Variants in SLC25A13 observed in about 807,000 individuals in gnomAD.
The protein encoded by SLC25A13 is solute carrier family 25 member 13.
Under a neutral mutation model 85.5 loss-of-function variants are expected in SLC25A13, and 70 were observed. The observed-to-expected ratio is 0.82, with a 90% confidence interval of 0.68 to 1.00. The LOEUF (loss-of-function observed/expected upper bound fraction) is 1.00, where lower values mean the gene tolerates loss of function less well. Ranked by LOEUF, SLC25A13 falls within the 50% of genes least tolerant of loss-of-function variation. SLC25A13 has a pLI of 0.00. For synonymous variants in SLC25A13, 259 were observed against 288.7 expected (o/e 0.90, Z 1.04); for missense variants, 765 against 819.8 (o/e 0.93, Z 0.82).
At chr7:96,251,220 CAAG>C (rs1797412657) in intron 3 of SLC25A13, among the ~76,000 whole-genome samples, 1 of 151,954 alleles carries the variant, frequency 6.6e-6, no homozygotes. Flanking sequence ...CAAGGTGCGG[CAAG>C]AAGACCAATG....
intron 3 of SLC25A13, among the ~76,000 whole-genome samples, chr7:96,253,155 G>A (rs1478941439): frequency 1.3e-5 from 2 of 152,164 alleles, no homozygotes; most frequent in East Asian, 3.9e-4. Context: ...TGCTTTTGAT[G>A]AGTGTTGCAG....
intron 1 of SLC25A13, 42 bp from the exon 2 acceptor site, chr7:96,296,993 C>A: frequency 6.5e-7 from 1 of 1,535,182 alleles, no homozygotes; most frequent in Non-Finnish European, 9.0e-7. Context: ...TACAACAAAG[C>A]TGAGAAATCA....
At chr7:96,273,828 A>G (rs1226796820) in intron 3 of SLC25A13, among the ~76,000 whole-genome samples, 1 of 152,178 alleles carries the variant, frequency 6.6e-6, no homozygotes, top group Non-Finnish European at 1.5e-5. Context: ...GAACTTGGTC[A>G]CACTTCCTCT....
At chr7:96,181,318 T>G (rs1225701272) in intron 11 of SLC25A13, among the ~76,000 whole-genome samples, 1 of 152,216 alleles carries the variant, frequency 6.6e-6, no homozygotes, top group African/African-American at 2.4e-5. Context: ...TATATTTCTA[T>G]TGAAGAGCAC....
chr7:96,249,356 T>C (rs1209279830), intron 3 of SLC25A13, among the ~76,000 whole-genome samples: 1 of 152,220 alleles, frequency 6.6e-6, no homozygotes, highest in African/African-American at 2.4e-5. Context: ...CTTTCATATT[T>C]AGTCATGTTT....
intron 2 of SLC25A13, among the ~76,000 whole-genome samples, chr7:96,290,556 G>C (rs1295210337): frequency 6.7e-6 from 1 of 150,248 alleles, no homozygotes. Context: ...ACACACATAG[G>C]CTCAAAATAA....
chr7:96,291,469 C>A (rs1328731682), intron 2 of SLC25A13, among the ~76,000 whole-genome samples: 3 of 151,900 alleles, frequency 2.0e-5, no homozygotes, highest in South Asian at 2.1e-4. Context: ...AAAACCCTTC[C>A]AAAAATTAAT....
Position 96,193,109 on chromosome 7 carries a change from G to A in SLC25A13, c.543C>T (p.Ile181=), listed in dbSNP as rs370372951. 1.3e-4 allele frequency: 210 copies of A among 1,613,954 alleles called. No individual in the cohort carries two copies. Among genetic ancestry groups the A allele is most frequent in the Non-Finnish European group, 1.7e-4 (203 of 1,180,008 alleles). The change falls in exon 6 of 18, where the codon ATC becomes ATT. Residue 181 remains isoleucine (I), a synonymous_variant. Coordinates refer to ENST00000265631, the MANE Select transcript of SLC25A13 (RefSeq NM_014251.3). ...TGGTGACCATGATGTCTCGGAAGTC[G>A]ATGGCTGTGACTCTCCCAGTCCTAG... ...DNARTGRVTA[I]DFRDIMVTIR...
chr7:96,277,623 C>T (rs1192528676), intron 2 of SLC25A13, among the ~76,000 whole-genome samples: 2 of 152,106 alleles, frequency 1.3e-5, no homozygotes, highest in African/African-American at 4.8e-5. Flanking sequence ...CTACTGGCTC[C>T]AGCAGGTAGA....
At chr7:96,125,753 G>GTT (rs753445974) in intron 15 of SLC25A13, among the ~76,000 whole-genome samples, 25 of 136,832 alleles carry the variant, frequency 1.8e-4, no homozygotes, top group African/African-American at 5.5e-4. Context: ...TTCTAGAGGG[G>GTT]TTTTTTTTTT....
At chr7:96,294,916 C>T (rs531891028) in intron 2 of SLC25A13, among the ~76,000 whole-genome samples, 3 of 152,070 alleles carry the variant, frequency 2.0e-5, no homozygotes, top group Non-Finnish European at 4.4e-5. Context: ...AATTCATTTG[C>T]TTTTGGAGTC....
chr7:96,257,066 G>C (rs1371031470), intron 3 of SLC25A13, among the ~76,000 whole-genome samples: 1 of 152,226 alleles, frequency 6.6e-6, no homozygotes, highest in Non-Finnish European at 1.5e-5. Context: ...AGCTAAAGCA[G>C]TGTTTAGAGG....
intron 3 of SLC25A13, among the ~76,000 whole-genome samples, chr7:96,245,527 T>C (rs1283671907): frequency 6.6e-6 from 1 of 152,228 alleles, no homozygotes; most frequent in Non-Finnish European, 1.5e-5. Flanking sequence ...TAAATACTAG[T>C]AGACATCATT....
intron 3 of SLC25A13, among the ~76,000 whole-genome samples, chr7:96,241,602 T>C (rs1410948979): frequency 6.6e-6 from 1 of 152,198 alleles, no homozygotes; most frequent in African/African-American, 2.4e-5. Flanking sequence ...CACACCAAAG[T>C]GTTGGCAGTG....
intron 3 of SLC25A13, among the ~76,000 whole-genome samples, chr7:96,263,206 G>A (rs1442693963): frequency 1.3e-5 from 2 of 151,668 alleles, no homozygotes; most frequent in Admixed American, 6.6e-5. Flanking sequence ...TCTTTATTCC[G>A]TGAATGTCAG....
chr7:96,285,978 C>T (rs1395674444), intron 2 of SLC25A13, among the ~76,000 whole-genome samples: 1 of 152,100 alleles, frequency 6.6e-6, no homozygotes, highest in African/African-American at 2.4e-5. Context: ...ACAAGAACAT[C>T]CTCCATAAGA....
At position 96,252,345 on chromosome 7, in the gene SLC25A13, C is replaced by T. The variant is rs1797463259; in HGVS notation, c.213-17428G>A. ...AAAGAAAAGAAGGAAGCAAGGATGT[C>T]CCTAGAGTTTGGGGCCTGAGCAACT... On this transcript the variant is annotated intron_variant, in intron 3 of 17. Coordinates refer to ENST00000265631, the MANE Select transcript of SLC25A13 (RefSeq NM_014251.3). 2.0e-5 allele frequency among the ~76,000 whole-genome samples: 3 copies of T among 152,214 alleles called. No individual in the cohort carries two copies. The South Asian group carries it at 6.2e-4, about 32-fold the overall frequency.
chr7:96,163,904 CAT>C (rs758019509), intron 13 of SLC25A13, among the ~76,000 whole-genome samples: 1 of 150,800 alleles, frequency 6.6e-6, no homozygotes, highest in Non-Finnish European at 1.5e-5. Flanking sequence ...TCTCTCTCTC[CAT>C]ATATATATAT....
intron 3 of SLC25A13, among the ~76,000 whole-genome samples, chr7:96,260,620 C>G (rs1797818833): frequency 6.6e-6 from 1 of 152,074 alleles, no homozygotes; most frequent in African/African-American, 2.4e-5. Context: ...ATTCTAATGT[C>G]CTAAAGAACT....
Sources: gnomAD v4.1 joint callset for allele counts (sites outside exome capture counted in the v4.1 genomes callset) on GRCh38, gnomAD v4.1.1 for gene constraint, MANE v1.5 for transcripts, NCBI Gene and HGNC (gene_info 2026-07-23, HGNC 2026-07-21) for gene names.